ADGRL2: variants seen among roughly 807,000 people sequenced by gnomAD.
ADGRL2 encodes adhesion G protein-coupled receptor L2.
Under a neutral mutation model 157.4 loss-of-function variants are expected in ADGRL2, and 44 were observed. The observed-to-expected ratio is 0.28, with a 90% confidence interval of 0.22 to 0.36. The LOEUF (loss-of-function observed/expected upper bound fraction) is 0.36. Among genes scored for constraint, ADGRL2 ranks in the 10% least tolerant of loss-of-function variants. The pLI, the probability that ADGRL2 is intolerant of heterozygous loss-of-function variation, is 1.00. For missense variants in ADGRL2, 1,510 were observed against 1,768.9 expected, an observed-to-expected ratio of 0.85 and a Z score of 2.63; for synonymous variants, 585 against 624.7, an observed-to-expected ratio of 0.94 and a Z score of 0.95.
intron 2 of ADGRL2, among the ~76,000 whole-genome samples, chr1:81,570,964 G>A (rs138876642): frequency 2.4e-4 from 37 of 152,136 alleles, no homozygotes; most frequent in African/African-American, 8.4e-4. Flanking sequence ...GAATATCAAA[G>A]CAGTCATAAA....
At position 81,770,671 on chromosome 1, in the gene ADGRL2, C is replaced by T. The variant is rs192503247; in HGVS notation, c.-101+8819C>T. ...TATTTTTGGTAGAGATGGGGTTTCTCCATGTTGGTCAGGCTGGTCTCAAAC... is the reference window on the plus strand; with the variant it reads ...TATTTTTGGTAGAGATGGGGTTTCTTCATGTTGGTCAGGCTGGTCTCAAAC... On this transcript the variant is annotated intron_variant, in intron 2 of 20. Coordinates refer to the ADGRL2 transcript ENST00000359929. Among the ~76,000 whole-genome samples the T allele has an allele frequency of 4.4e-3, 664 of 151,442 alleles. 2 individuals are homozygous for T. Among genetic ancestry groups the T allele is most frequent in the Non-Finnish European group, 4.7e-3 (317 of 67,840 alleles).
At chr1:81,375,627 T>C (rs904991218) in intron 1 of ADGRL2, among the ~76,000 whole-genome samples, 9 of 152,196 alleles carry the variant, frequency 5.9e-5, no homozygotes, top group Admixed American at 4.6e-4. Flanking sequence ...GTTCTAGGAT[T>C]AGGGAATTCT....
At chr1:81,937,653 T>C (rs1291441268) in intron 4 of ADGRL2, among the ~76,000 whole-genome samples, 1 of 151,842 alleles carries the variant, frequency 6.6e-6, no homozygotes, top group African/African-American at 2.4e-5. Context: ...TTTTAAATTA[T>C]AGAAAAGATA....
intron 3 of ADGRL2, among the ~76,000 whole-genome samples, chr1:81,633,649 T>C (rs1020312644): frequency 5.5e-5 from 8 of 145,476 alleles, no homozygotes; most frequent in Non-Finnish European, 9.1e-5. Flanking sequence ...CTACCAAATC[T>C]ACTTCTCTTG....
chr1:81,607,930 G>C (rs563374709), intron 3 of ADGRL2, among the ~76,000 whole-genome samples: 11 of 152,124 alleles, frequency 7.2e-5, no homozygotes, highest in Non-Finnish European at 1.3e-4. Flanking sequence ...TGAGTCCCTA[G>C]AGTTTATTCT....
chr1:81,764,116 C>A (rs1445295931), intron 2 of ADGRL2, among the ~76,000 whole-genome samples: 7 of 147,104 alleles, frequency 4.8e-5, no homozygotes, highest in Non-Finnish European at 1.0e-4. Flanking sequence ...CACGTGAACC[C>A]AAGAGGTGGA....
intron 3 of ADGRL2, among the ~76,000 whole-genome samples, chr1:81,685,769 G>A (rs2083216371): frequency 6.6e-6 from 1 of 152,154 alleles, no homozygotes; most frequent in South Asian, 2.1e-4. Context: ...TTGGCTGTGG[G>A]TTTGACACAG....
Position 81,634,200 on chromosome 1 carries a change from G to A in ADGRL2, c.-143+53220G>A, listed in dbSNP as rs183394703. 2.4e-3 allele frequency among the ~76,000 whole-genome samples: 372 copies of A among 152,170 alleles called. 4 individuals are homozygous for A. The highest frequency in any genetic ancestry group is 0.023 in the Admixed American group (347 of 15,272). On this transcript the variant is annotated intron_variant, in intron 3 of 24. Transcript: ENST00000370721. ...AAATACTTCTTATAGATTAAGATGA[G>A]GACTAATATTAACCACCGAACCCAA...
At chr1:81,453,497 CACATATGT>C (rs1009278886) in intron 2 of ADGRL2, among the ~76,000 whole-genome samples, 15 of 152,208 alleles carry the variant, frequency 9.9e-5, no homozygotes, top group African/African-American at 3.6e-4. Context: ...TGGGGAGACT[CACATATGT>C]ACCTAGAGAG....
intron 3 of ADGRL2, among the ~76,000 whole-genome samples, chr1:81,663,250 A>G (rs551461650): frequency 5.5e-4 from 84 of 152,080 alleles, no homozygotes; most frequent in Admixed American, 1.9e-3. Flanking sequence ...CCGCACCCAA[A>G]TAGATTTTCC....
intron 2 of ADGRL2, among the ~76,000 whole-genome samples, chr1:81,454,428 T>G (rs1037951653): frequency 3.3e-5 from 5 of 152,220 alleles, no homozygotes; most frequent in African/African-American, 1.2e-4. Context: ...GTATCATCTT[T>G]GTATTGATTT....
chr1:81,533,373 C>A (rs1279503565), intron 2 of ADGRL2, among the ~76,000 whole-genome samples: 1 of 151,742 alleles, frequency 6.6e-6, no homozygotes, highest in African/African-American at 2.4e-5. Flanking sequence ...AGTGAGGCTT[C>A]ATCTCAAAAA....
chr1:81,604,346 C>G (rs933836292), intron 3 of ADGRL2, among the ~76,000 whole-genome samples: 6 of 152,146 alleles, frequency 3.9e-5, no homozygotes, highest in African/African-American at 1.4e-4. Context: ...GCTCCTCATC[C>G]TCGTTTCCCC....
chr1:81,576,659 G>A (rs1411070858), intron 2 of ADGRL2, among the ~76,000 whole-genome samples: 1 of 152,056 alleles, frequency 6.6e-6, no homozygotes, highest in East Asian at 1.9e-4. Flanking sequence ...TTCTCTCCAT[G>A]GCACCAGAGT....
At chr1:81,628,372 C>G (rs1467002216) in intron 3 of ADGRL2, among the ~76,000 whole-genome samples, 2 of 152,058 alleles carry the variant, frequency 1.3e-5, no homozygotes, top group African/African-American at 4.8e-5. Context: ...ACAGTGGATA[C>G]TTAGTAATAT....
chr1:81,851,488 C>A (rs2093003773), intron 2 of ADGRL2, among the ~76,000 whole-genome samples: 1 of 151,686 alleles, frequency 6.6e-6, no homozygotes, highest in South Asian at 2.1e-4. Context: ...AGAAAATCCT[C>A]TGTGATTTTA....
At chr1:81,828,345 T>C (rs538815237) in intron 1 of ADGRL2, among the ~76,000 whole-genome samples, 91 of 152,360 alleles carry the variant, frequency 6.0e-4, no homozygotes, top group African/African-American at 2.0e-3. Context: ...TAGTGGAATA[T>C]AATTGATAAT....
At chr1:81,695,026 A>G (rs1283609714), upstream of ADGRL2, among the ~76,000 whole-genome samples, 1 of 152,144 alleles carries the variant, frequency 6.6e-6, no homozygotes, top group African/African-American at 2.4e-5. Context: ...AAATAATATC[A>G]ACATTCTTCT....
chr1:81,821,123 T>C (rs1359926521), intron 1 of ADGRL2, among the ~76,000 whole-genome samples: 1 of 152,158 alleles, frequency 6.6e-6, no homozygotes, highest in Middle Eastern at 3.2e-3. Context: ...AATACTGTAG[T>C]TGTGAATTTT....
Sources: allele counts gnomAD v4.1 joint callset (sites outside exome capture counted in the v4.1 genomes callset), GRCh38; gene constraint gnomAD v4.1.1; transcripts MANE v1.5; gene names NCBI Gene and HGNC (gene_info 2026-07-23, HGNC 2026-07-21).